Variants in SPAG16 observed in about 807,000 individuals in gnomAD.
SPAG16 encodes sperm associated antigen 16.
A neutral mutation model predicts 80.4 loss-of-function variants in SPAG16; 86 were observed. That is an observed-to-expected ratio of 1.07 (90% CI 0.90 to 1.28). The LOEUF (loss-of-function observed/expected upper bound fraction) is 1.28, where lower values mean the gene tolerates loss of function less well. Ranked by LOEUF, SPAG16 falls within the 50% of genes most tolerant of loss-of-function variation. The probability of loss-of-function intolerance (pLI) is 0.00; values close to 1 mark genes in which losing one functional copy is unlikely to be tolerated. For synonymous variants in SPAG16, 294 were observed against 265.9 expected (o/e 1.11, Z -1.03); for missense variants, 870 against 765.3 (o/e 1.14, Z -1.61).
At chr2:213,967,371 C>T (rs1266493378) in intron 12 of SPAG16, among the ~76,000 whole-genome samples, 1 of 152,110 alleles carries the variant, frequency 6.6e-6, no homozygotes, top group Non-Finnish European at 1.5e-5. Context: ...TGCTCAATAA[C>T]ACCCCTCAAA....
intron 12 of SPAG16, among the ~76,000 whole-genome samples, chr2:213,936,647 A>G (rs1030150971): frequency 6.6e-6 from 1 of 152,188 alleles, no homozygotes; most frequent in Non-Finnish European, 1.5e-5. Flanking sequence ...AAGAGGAAAC[A>G]AATGACCTGT....
At chr2:214,318,359 A>C (rs1007595799) in intron 15 of SPAG16, among the ~76,000 whole-genome samples, 1 of 141,580 alleles carries the variant, frequency 7.1e-6, no homozygotes, top group African/African-American at 2.5e-5. Flanking sequence ...TGAATAAAAG[A>C]GTGAGAGTGA....
chr2:214,407,925 T>G (rs1702089719), intron 15 of SPAG16, among the ~76,000 whole-genome samples: 1 of 152,178 alleles, frequency 6.6e-6, no homozygotes, highest in Non-Finnish European at 1.5e-5. Flanking sequence ...AAACTTATAT[T>G]CATTTTAGGA....
chr2:213,717,208 G>A (rs1293946135), intron 10 of SPAG16, among the ~76,000 whole-genome samples: 3 of 148,460 alleles, frequency 2.0e-5, no homozygotes, highest in South Asian at 2.1e-4. Flanking sequence ...AGGCTGGAGC[G>A]CAGTGGTGCC....
At position 213,566,736 on chromosome 2, in the gene SPAG16, G is replaced by A. The variant is rs79427976; in HGVS notation, c.1070+76646G>A. ...ATTAAATGGTCCTTCTGGTGATGGT[G>A]TATAATGACACATTCATAACTTAAG... is the stretch of plus-strand genomic sequence containing the variant. On this transcript the variant is annotated intron_variant, in intron 10 of 15. Transcript: ENST00000331683. Among the ~76,000 whole-genome samples, 993 of 152,234 alleles carry A rather than the reference G, an allele frequency of 6.5e-3. 6 individuals are homozygous for A. The highest frequency in any genetic ancestry group is 0.011 in the Non-Finnish European group (759 of 68,014).
At chr2:213,621,999 C>T (rs2061805441) in intron 10 of SPAG16, among the ~76,000 whole-genome samples, 4 of 152,142 alleles carry the variant, frequency 2.6e-5, no homozygotes, top group South Asian at 4.1e-4. Flanking sequence ...GAGCTCCCTT[C>T]TCTAAGGTTG....
At chr2:213,352,175 A>G (rs1277382988) in intron 7 of SPAG16, among the ~76,000 whole-genome samples, 4 of 146,306 alleles carry the variant, frequency 2.7e-5, no homozygotes, top group Admixed American at 2.7e-4. Context: ...TTTTTTTAAT[A>G]TATTTTTACC....
intron 15 of SPAG16, among the ~76,000 whole-genome samples, chr2:214,364,672 T>C (rs1699373518): frequency 6.6e-6 from 1 of 152,132 alleles, no homozygotes; most frequent in South Asian, 2.1e-4. Context: ...TGGTTTCTGA[T>C]TAAACTGAAA....
chr2:214,098,041 C>CT (rs1262569430), intron 13 of SPAG16, among the ~76,000 whole-genome samples: 2 of 152,006 alleles, frequency 1.3e-5, no homozygotes, highest in Admixed American at 6.6e-5. Context: ...AGACACTGTG[C>CT]TTTTAATCAT....
At chr2:214,294,508 C>A (rs1694004419) in intron 15 of SPAG16, among the ~76,000 whole-genome samples, 1 of 152,126 alleles carries the variant, frequency 6.6e-6, no homozygotes, top group Admixed American at 6.5e-5. Flanking sequence ...TCTAGTCAAC[C>A]CTCTTCCCTT....
At chr2:213,557,505 A>T (rs1044796275) in intron 10 of SPAG16, among the ~76,000 whole-genome samples, 17 of 152,204 alleles carry the variant, frequency 1.1e-4, no homozygotes, top group African/African-American at 4.1e-4. Context: ...AAACGTTTTA[A>T]ATTGCTGAGT....
intron 10 of SPAG16, among the ~76,000 whole-genome samples, chr2:213,826,325 T>C (rs2073298478): frequency 6.6e-6 from 1 of 151,866 alleles, no homozygotes. Flanking sequence ...TTCTTTAAGA[T>C]ACATCATGAG....
chr2:213,576,325 G>A (rs1372081859), intron 10 of SPAG16, among the ~76,000 whole-genome samples: 1 of 152,082 alleles, frequency 6.6e-6, no homozygotes, highest in African/African-American at 2.4e-5. Context: ...GGTTACTGTA[G>A]CCCTGTAGTG....
At chr2:214,112,886 C>G (rs1162891259) in intron 14 of SPAG16, among the ~76,000 whole-genome samples, 2 of 152,018 alleles carry the variant, frequency 1.3e-5, no homozygotes, top group African/African-American at 4.8e-5. Flanking sequence ...GGTTATTTTG[C>G]CCATTAATTG....
At chr2:214,060,070 G>C (rs1383321359) in intron 13 of SPAG16, among the ~76,000 whole-genome samples, 2 of 152,180 alleles carry the variant, frequency 1.3e-5, no homozygotes, top group South Asian at 2.1e-4. Context: ...AAGCCTAAGA[G>C]AGTAACTGGG....
intron 10 of SPAG16, among the ~76,000 whole-genome samples, chr2:213,506,685 A>G (rs182472107): frequency 7.9e-4 from 120 of 152,272 alleles, no homozygotes; most frequent in African/African-American, 2.8e-3. Context: ...ACCAATATAA[A>G]TTGGGATGCC....
At chr2:213,546,849 C>A (rs2125930748) in intron 10 of SPAG16, among the ~76,000 whole-genome samples, 1 of 152,134 alleles carries the variant, frequency 6.6e-6, no homozygotes, top group East Asian at 1.9e-4. Flanking sequence ...CTTCTCGTTG[C>A]TTTGTCTGCC....
chr2:214,053,911 A>G (rs2049795419), intron 13 of SPAG16, among the ~76,000 whole-genome samples: 1 of 152,210 alleles, frequency 6.6e-6, no homozygotes, highest in South Asian at 2.1e-4. Flanking sequence ...ATGATAGATA[A>G]GAATATTTTA....
At chr2:213,641,880 T>G (rs1251872635) in intron 10 of SPAG16, among the ~76,000 whole-genome samples, 2 of 152,298 alleles carry the variant, frequency 1.3e-5, no homozygotes, top group African/African-American at 2.4e-5. Context: ...AAGCAAGAAC[T>G]TTCCTCACAA....
Sources: allele counts gnomAD v4.1 joint callset (sites outside exome capture counted in the v4.1 genomes callset), GRCh38; gene constraint gnomAD v4.1.1; transcripts MANE v1.5; gene names NCBI Gene and HGNC (gene_info 2026-07-23, HGNC 2026-07-21).